The following BUB1B variants were observed in gnomAD, a reference collection of about 807,000 sequenced individuals.
The protein encoded by BUB1B is mitotic checkpoint serine/threonine-protein kinase BUB1 beta.
BUB1B carries 86 observed loss-of-function variants against 137.7 expected under a neutral mutation model. That is an observed-to-expected ratio of 0.62 (90% CI 0.52 to 0.75). BUB1B has a LOEUF of 0.75. Among genes scored for constraint, BUB1B ranks in the 30% least tolerant of loss-of-function variants. The pLI, the probability that BUB1B is intolerant of heterozygous loss-of-function variation, is 0.00. For synonymous variants in BUB1B, 420 were observed against 417.9 expected, an observed-to-expected ratio of 1.00 and a Z score of -0.06; for missense variants, 1,130 against 1,236.9, an observed-to-expected ratio of 0.91 and a Z score of 1.30.
At chr15:40,164,198 T>C (rs528225501) in intron 1 of BUB1B, among the ~76,000 whole-genome samples, 43 of 152,284 alleles carry the variant, frequency 2.8e-4, no homozygotes, top group Admixed American at 1.8e-3. Flanking sequence ...CATTGAAACA[T>C]GGGACATTAG....
Position 40,202,572 on chromosome 15 carries a change from G to T in BUB1B, c.1629-17G>T, listed in dbSNP as rs981840698. The T allele has an allele frequency of 6.2e-7, 1 of 1,610,956 alleles. No homozygotes were observed. Among genetic ancestry groups the T allele is most frequent in the Non-Finnish European group, 8.5e-7 (1 of 1,177,264 alleles). ...TGTTATGAAAAAAATTGCTAAGTGA[G>T]GTATGTCTTTTTCCAGTCCTCCTGC... On this transcript the variant is annotated splice_polypyrimidine_tract_variant and intron_variant, in intron 13 of 22. Coordinates refer to ENST00000287598, the MANE Select transcript of BUB1B (RefSeq NM_001211.6).
chr15:40,165,026 G>T (rs754019088), intron 1 of BUB1B, 27 bp from the exon 2 acceptor site: 1 of 1,612,080 alleles, frequency 6.2e-7, no homozygotes, highest in Non-Finnish European at 8.5e-7. Flanking sequence ...GTTGGTATGA[G>T]ATTTACATTT....
At chr15:40,172,144 TTTC>T (rs1404786313) in intron 4 of BUB1B, among the ~76,000 whole-genome samples, 1 of 151,664 alleles carries the variant, frequency 6.6e-6, no homozygotes, top group Non-Finnish European at 1.5e-5. Context: ...AAGAAATAAA[TTTC>T]TTACTAAAAG....
chr15:40,199,564 A>G, intron 9 of BUB1B, 51 bp from the exon 10 acceptor site: 1 of 1,473,402 alleles, frequency 6.8e-7, no homozygotes, highest in South Asian at 1.1e-5. Flanking sequence ...AGTTTTTGAC[A>G]GAATGAGTTA....
Position 40,183,216 on chromosome 15 carries a change from G to A in BUB1B, c.582-498G>A, listed in dbSNP as rs147846922. ...TCAAACTTCTGCCAGCTTTGCTAAA[G>A]TACAATGTCATGTCATATGCAACTT... is the stretch of plus-strand genomic sequence containing the variant. On this transcript the variant is annotated intron_variant, in intron 5 of 22. Coordinates refer to ENST00000287598, the MANE Select transcript of BUB1B (RefSeq NM_001211.6). Among the ~76,000 whole-genome samples the A allele has an allele frequency of 2.5e-3, 376 of 152,308 alleles. 5 individuals carry two copies. The highest frequency in any genetic ancestry group is 2.7e-3 in the Admixed American group (41 of 15,296).
At chr15:40,209,877 T>A (rs927197578) in intron 17 of BUB1B, 102 bp downstream of exon 17, 24 of 1,481,266 alleles carry the variant, frequency 1.6e-5, no homozygotes, top group Non-Finnish European at 2.3e-5. Flanking sequence ...TATTCCTAGA[T>A]TGTATTTTTT....
Position 40,200,255 on chromosome 15 carries a change from G to T in BUB1B, c.1413G>T (p.Thr471=), listed in dbSNP as rs374560564. The T allele has an allele frequency of 2.8e-5, 45 of 1,612,534 alleles. No homozygotes were observed. Among genetic ancestry groups the T allele is most frequent in the Non-Finnish European group, 2.6e-5 (31 of 1,178,920 alleles). The change falls in exon 11 of 23, where the codon ACG becomes ACT. Residue 471 remains threonine (T), a synonymous_variant. Transcript: ENST00000287598. ...QERTGDQQEE[T]MPTKETTKLQ... ...TTTAATGCAAACAGCAAGAAGAGAC[G>T]ATGCCTACAAAGGAGACAACTAAAC...
At chr15:40,197,992 G>A (rs2140899177) in intron 9 of BUB1B, among the ~76,000 whole-genome samples, 1 of 152,192 alleles carries the variant, frequency 6.6e-6, no homozygotes, top group South Asian at 2.1e-4. Flanking sequence ...GTCTGTACCA[G>A]ATATATAGAA....
intron 8 of BUB1B, among the ~76,000 whole-genome samples, chr15:40,190,988 A>G (rs1043048910): frequency 6.6e-6 from 1 of 152,006 alleles, no homozygotes; most frequent in Non-Finnish European, 1.5e-5. Flanking sequence ...CCCGGGTTCA[A>G]CCGATTCTTG....
intron 12 of BUB1B, among the ~76,000 whole-genome samples, chr15:40,201,891 G>C (rs186249591): frequency 1.3e-5 from 2 of 151,838 alleles, no homozygotes; most frequent in South Asian, 2.1e-4. Flanking sequence ...GGATGGTCTC[G>C]ATCTCCTGAC....
intron 4 of BUB1B, 72 bp downstream of exon 4, chr15:40,170,753 T>G: frequency 1.3e-6 from 2 of 1,520,524 alleles, no homozygotes; most frequent in South Asian, 2.3e-5. Context: ...GTATCTGGTA[T>G]ACCAAAAAAA....
chr15:40,214,314 A>AAT (rs1385669829), intron 20 of BUB1B, among the ~76,000 whole-genome samples: 1 of 152,212 alleles, frequency 6.6e-6, no homozygotes, highest in Non-Finnish European at 1.5e-5. Context: ...ATAATAAATG[A>AAT]ATACTAAGGA....
At chr15:40,169,714 G>A (rs1054100876) in intron 2 of BUB1B, among the ~76,000 whole-genome samples, 7 of 145,186 alleles carry the variant, frequency 4.8e-5, no homozygotes, top group Non-Finnish European at 1.0e-4. Flanking sequence ...CCAGGTTCAA[G>A]TGCTCTTCCC....
chr15:40,208,536 C>A, intron 15 of BUB1B, 101 bp from the exon 16 acceptor site: 1 of 1,247,158 alleles, frequency 8.0e-7, no homozygotes, highest in Non-Finnish European at 1.1e-6. Flanking sequence ...AAAACTCCAT[C>A]TCAAAAAAAA....
Position 40,199,751 on chromosome 15 carries a change from A to G in BUB1B, c.1401+24A>G, listed in dbSNP as rs2172742. ...AGGTAATTTTTCTTTTTTCATACAC[A>G]AAACTAGAATTTATTGAAACAAATT... On this transcript the variant is annotated intron_variant, in intron 10 of 22. Coordinates refer to ENST00000287598, the MANE Select transcript of BUB1B (RefSeq NM_001211.6). The G allele has an allele frequency of 0.52, 779,748 of 1,510,772 alleles. 209,687 individuals are homozygous for G. The highest frequency in any genetic ancestry group is 0.56 in the Non-Finnish European group (608,380 of 1,087,498). 93.6% of individuals were successfully genotyped at this position (1,510,772 alleles called of 1,614,324 possible).
chr15:40,185,662 A>G lies in BUB1B; in HGVS notation c.1058+20A>G. 6.2e-7 allele frequency: 1 copy of G among 1,601,640 alleles called. No individual in the cohort carries two copies. Among genetic ancestry groups the G allele is most frequent in the Admixed American group, 1.7e-5 (1 of 60,006 alleles). On this transcript the variant is annotated intron_variant, in intron 8 of 22. Transcript: ENST00000287598. ...AGTTATGTGAGTGTGGTTTTTGGAT[A>G]TTTTGAAGTGGGAATTATTAAGGGT... is the stretch of plus-strand genomic sequence containing the variant.
In BUB1B at chr15:40,199,686, AAAG is replaced by A. The variant is rs760672916; in HGVS notation, c.1363_1365del (p.Glu455del). The A allele has an allele frequency of 6.2e-7, 1 of 1,614,016 alleles. No individual in the cohort carries two copies. Among genetic ancestry groups the A allele is most frequent in the South Asian group, 1.1e-5 (1 of 91,076 alleles). On this transcript the variant is annotated inframe_deletion, in exon 10 of 23. Transcript: ENST00000287598. ...GATTGAAGAGATGGAGAAGAAGCTA[AAAG>A]AAATCCAAACTACTCAGCAAGAAAG...
chr15:40,200,738 T>C (rs578099988), intron 11 of BUB1B, among the ~76,000 whole-genome samples, 193 bp from the exon 12 acceptor site: 5 of 152,364 alleles, frequency 3.3e-5, no homozygotes, highest in African/African-American at 9.6e-5. Flanking sequence ...ACTTGACATC[T>C]ATTATCAAAT....
chr15:40,185,609 C>A lies in BUB1B; in HGVS notation c.1025C>A (p.Pro342Gln), dbSNP rs754970139. 6.2e-7 allele frequency: 1 copy of A among 1,614,136 alleles called. No homozygotes were observed. Among genetic ancestry groups the A allele is most frequent in the African/African-American group, 1.3e-5 (1 of 75,038 alleles). The change falls in exon 8 of 23, where the codon CCA becomes CAA. Residue 342 changes from proline to glutamine, a missense_variant. Pro to Gln is a moderately conservative substitution (Grantham distance 76). Coordinates refer to ENST00000287598, the MANE Select transcript of BUB1B (RefSeq NM_001211.6). ...CCCGCTGTGCTTCCCAGTTTCACTC[C>A]ATATGTGGAAGAGACTGCACGACAG... The part of the protein sequence containing the change: ...AVPAVLPSFT[P>Q]YVEETARQPV...
Sources: allele counts gnomAD v4.1 joint callset (sites outside exome capture counted in the v4.1 genomes callset), GRCh38; gene constraint gnomAD v4.1.1; transcripts MANE v1.5; gene names NCBI Gene and HGNC (gene_info 2026-07-23, HGNC 2026-07-21).